COL1A2: variants seen among roughly 807,000 people sequenced by gnomAD.
The protein encoded by COL1A2 is collagen type I alpha 2 chain.
COL1A2 carries 49 observed loss-of-function variants against 174.3 expected under a neutral mutation model. The observed-to-expected ratio is 0.28, with a 90% CI of 0.22 to 0.36. The LOEUF (loss-of-function observed/expected upper bound fraction) is 0.36, where lower values mean the gene tolerates loss of function less well. COL1A2 is among the 10% of genes least tolerant of loss of function. COL1A2 has a pLI of 1.00. For synonymous variants in COL1A2, 655 were observed against 606.6 expected, an observed-to-expected ratio of 1.08 and a Z score of -1.17; for missense variants, 1,438 against 1,822.7, an observed-to-expected ratio of 0.79 and a Z score of 3.84.
chr7:94,414,383 T>TTCATA (rs1265682838), intron 29 of COL1A2, 108 bp downstream of exon 29: 2 of 1,024,438 alleles, frequency 2.0e-6, no homozygotes, highest in African/African-American at 3.2e-5. Flanking sequence ...AATTTCGTAT[T>TTCATA]TCATATGTTA....
At position 94,403,309 on chromosome 7, in the gene COL1A2, T is replaced by C. The variant is rs370932913; in HGVS notation, c.280-1247T>C. On this transcript the variant is annotated intron_variant, in intron 6 of 51. Transcript: ENST00000297268. ...CACAGACATATGTAATCAACAGATA[T>C]CTGTTTCACAAATAGGGAAGATAGG... Among the ~76,000 whole-genome samples, 36 of 152,292 alleles carry C rather than the reference T, an allele frequency of 2.4e-4. 1 individual carries two copies. In the East Asian group the frequency reaches 3.3e-3, roughly 14 times the overall value.
At chr7:94,411,973 G>A (rs553294166) in intron 23 of COL1A2, 95 bp from the exon 24 acceptor site, 20 of 996,768 alleles carry the variant, frequency 2.0e-5, no homozygotes, top group South Asian at 2.7e-5. Flanking sequence ...ACAAAAAGTC[G>A]GGGGAAAAGG....
intron 11 of COL1A2, 95 bp from the exon 12 acceptor site, chr7:94,406,155 C>G: frequency 7.6e-7 from 1 of 1,312,548 alleles, no homozygotes; most frequent in Admixed American, 1.8e-5. Flanking sequence ...ACAAGACTTA[C>G]CCAAGAGAGA....
Position 94,425,237 on chromosome 7 carries a change from C to G in COL1A2, c.2781+13C>G, listed in dbSNP as rs193922163. 2 of 1,607,996 alleles carry G rather than the reference C, an allele frequency of 1.2e-6. No homozygotes were observed. The highest frequency in any genetic ancestry group is 1.7e-6 in the Non-Finnish European group (2 of 1,174,482). On this transcript the variant is annotated intron_variant, in intron 42 of 51. Transcript: ENST00000297268. ...AGCTGGTCGTGATGTGAGTCCAACA[C>G]TTGGTTTGTAAAATAAAACTGAGCA...
rs1792388967 is a variant in COL1A2 at position 94,430,940 on chromosome 7, A to C, written c.*547A>C. On this transcript the variant is annotated 3_prime_UTR_variant, in exon 52 of 52. Transcript: ENST00000297268. ...GTGCTAGAAGAATTTGAGAAGAAATACTCCTGTATTGAGTTGTATCGTGTG... is the reference window on the plus strand; with the variant it reads ...GTGCTAGAAGAATTTGAGAAGAAATCCTCCTGTATTGAGTTGTATCGTGTG... 6.4e-6 allele frequency: 1 copy of C among 155,166 alleles called. No homozygotes were observed. The highest frequency in any genetic ancestry group is 1.4e-5 in the Non-Finnish European group (1 of 69,890). 9.6% of individuals were successfully genotyped at this position (155,166 alleles called of 1,614,324 possible).
chr7:94,410,199 A>G, intron 19 of COL1A2, 43 bp from the exon 20 acceptor site: 1 of 1,603,182 alleles, frequency 6.2e-7, no homozygotes, highest in African/African-American at 1.3e-5. Flanking sequence ...GAGAGTTTCA[A>G]CAAATGTTTG....
At position 94,420,397 on chromosome 7, in the gene COL1A2, C is replaced by G. The variant is rs770271259; in HGVS notation, c.2140C>G (p.Arg714Gly). The G allele has an allele frequency of 3.1e-6, 5 of 1,614,128 alleles. No homozygotes were observed. The highest frequency in any genetic ancestry group is 4.2e-6 in the Non-Finnish European group (5 of 1,180,016). Reference protein sequence around the residue: ...PAGPRGSPGERGEVGPAGPNG... With the variant: ...PAGPRGSPGEGGEVGPAGPNG... ...AATCCCTTCTCCCACCTAGGGTGAA[C>G]GTGGTGAGGTCGGTCCTGCTGGCCC... The change falls in exon 36 of 52, where the codon CGT becomes GGT. Residue 714 changes from arginine to glycine, a missense_variant. By Grantham distance (125) the Arg-to-Gly change is moderately radical (BLOSUM62 -2). Transcript: ENST00000297268.
chr7:94,413,968 A>G (rs1456885697), intron 28 of COL1A2, 21 bp downstream of exon 28: 2 of 1,602,012 alleles, frequency 1.2e-6, no homozygotes, highest in East Asian at 2.2e-5. Context: ...TCAAACATAT[A>G]CAATACTGCC....
chr7:94,400,356 AT>A (rs1562897635), intron 5 of COL1A2, 68 bp downstream of exon 5: 1 of 1,355,156 alleles, frequency 7.4e-7, no homozygotes, highest in Non-Finnish European at 1.1e-6. Flanking sequence ...TGTGGAATTT[AT>A]TTTTAGCAGT....
At chr7:94,427,326 G>T in intron 48 of COL1A2, 31 bp downstream of exon 48, 3 of 1,559,834 alleles carry the variant, frequency 1.9e-6, no homozygotes, top group Non-Finnish European at 2.6e-6. Flanking sequence ...TAATAAAGAA[G>T]ATCACGGACC....
chr7:94,428,032 C>A, intron 49 of COL1A2, 147 bp downstream of exon 49: 1 of 981,206 alleles, frequency 1.0e-6, no homozygotes, highest in Non-Finnish European at 1.6e-6. Context: ...GTCATCTTCT[C>A]CCAACCAGCA....
chr7:94,406,172 G>A (rs1157219610), intron 11 of COL1A2, 78 bp from the exon 12 acceptor site: 2 of 1,452,914 alleles, frequency 1.4e-6, no homozygotes, highest in South Asian at 1.2e-5. Context: ...GAGATTAATG[G>A]CAAAGATATA....
At chr7:94,416,369 G>A (rs1216889399) in intron 30 of COL1A2, 36 bp from the exon 31 acceptor site, 3 of 1,507,752 alleles carry the variant, frequency 2.0e-6, no homozygotes, top group Non-Finnish European at 2.7e-6. Flanking sequence ...TGAAAGTGAT[G>A]AATGGTGCAA....
intron 29 of COL1A2, among the ~76,000 whole-genome samples, chr7:94,414,486 T>C (rs1376856879): frequency 6.6e-6 from 1 of 152,220 alleles, no homozygotes; most frequent in East Asian, 1.9e-4. Context: ...TAATGAAACA[T>C]CACCTTATGA....
At position 94,412,054 on chromosome 7, in the gene COL1A2, C is replaced by G. The variant is rs779035742; in HGVS notation, c.1351-14C>G. Reference sequence around the variant, plus strand: ...TAAAGTGCCAATATAAAAACATCCTCATTTATTTTATAGGGTCTTCCTGGT... The same window carrying G: ...TAAAGTGCCAATATAAAAACATCCTGATTTATTTTATAGGGTCTTCCTGGT... On this transcript the variant is annotated splice_polypyrimidine_tract_variant and intron_variant, in intron 23 of 51. Transcript: ENST00000297268. 6.2e-7 allele frequency: 1 copy of G among 1,606,614 alleles called. No individual in the cohort carries two copies. The highest frequency in any genetic ancestry group is 1.7e-4 in the Middle Eastern group (1 of 6,056).
At chr7:94,424,095 A>G in intron 40 of COL1A2, 1 of 488,012 alleles carries the variant, frequency 2.0e-6, no homozygotes, top group Non-Finnish European at 3.7e-6. Flanking sequence ...ATAAATCTCA[A>G]CCACATATTT....
chr7:94,399,204 A>G (rs1791640171), intron 4 of COL1A2, 120 bp downstream of exon 4: 1 of 884,078 alleles, frequency 1.1e-6, no homozygotes, highest in Admixed American at 1.9e-5. Flanking sequence ...ACACCCCTTT[A>G]AACAGGTAAT....
In COL1A2 at chr7:94,408,198, C is replaced by T. The variant is rs778499438; in HGVS notation, c.655C>T (p.Pro219Ser). 1.2e-6 allele frequency: 2 copies of T among 1,613,872 alleles called. No homozygotes were observed. The highest frequency in any genetic ancestry group is 1.1e-5 in the South Asian group (1 of 91,058). ...TPGQTGARGL[P>S]GERGRVGAPG... ...CTGCTTCTAGGGAGCCCGTGGGCTT[C>T]CTGGTGAGAGAGGACGTGTTGGTGC... The change falls in exon 14 of 52, where the codon CCT becomes TCT. Residue 219 changes from proline (P) to serine (S), a missense_variant. This residue lies in a region of COL1A2 where 281 missense variants were observed against 310.9 expected (regional missense o/e 0.90). Transcript: ENST00000297268.
intron 38 of COL1A2, 122 bp from the exon 39 acceptor site, chr7:94,421,770 TGCCTACC>T: frequency 3.0e-6 from 2 of 671,904 alleles, no homozygotes; most frequent in Non-Finnish European, 5.3e-6. Context: ...TATATGAAGC[TGCCTACC>T]TCCTACTCCT....
Sources: allele counts gnomAD v4.1 joint callset (sites outside exome capture counted in the v4.1 genomes callset), GRCh38; gene constraint gnomAD v4.1.1; regional missense constraint gnomAD v4.1.1; transcripts MANE v1.5; gene names NCBI Gene and HGNC (gene_info 2026-07-23, HGNC 2026-07-21).